Variants in CRIM1 observed in about 807,000 individuals in gnomAD.
The protein encoded by CRIM1 is cysteine-rich motor neuron 1 protein.
CRIM1 carries 32 observed loss-of-function variants against 116.4 expected under a neutral mutation model. The observed-to-expected ratio is 0.27, with a 90% CI of 0.21 to 0.37. The LOEUF is 0.37. Ranked by LOEUF, CRIM1 falls within the 10% of genes least tolerant of loss-of-function variation. CRIM1 has a pLI of 1.00. For missense variants in CRIM1, 1,331 were observed against 1,354.8 expected, an observed-to-expected ratio of 0.98 and a Z score of 0.28; for synonymous variants, 590 against 509.2, an observed-to-expected ratio of 1.16 and a Z score of -2.13.
chr2:36,409,952 A>G (rs1340053298), intron 2 of CRIM1, among the ~76,000 whole-genome samples: 2 of 152,214 alleles, frequency 1.3e-5, no homozygotes, highest in African/African-American at 4.8e-5. Context: ...TTAATGGTGC[A>G]TACGCTCTAA....
At chr2:36,452,247 T>C (rs1303396118) in intron 4 of CRIM1, among the ~76,000 whole-genome samples, 4 of 152,280 alleles carry the variant, frequency 2.6e-5, no homozygotes, top group African/African-American at 7.2e-5. Context: ...TTAAGTTATA[T>C]AATAAGTAAA....
chr2:36,490,871 T>C (rs1680179886), intron 7 of CRIM1, among the ~76,000 whole-genome samples: 1 of 152,202 alleles, frequency 6.6e-6, no homozygotes, highest in South Asian at 2.1e-4. Context: ...GTAACTGAGC[T>C]GCTCAGCCTC....
At chr2:36,387,140 C>T (rs189774179) in intron 1 of CRIM1, among the ~76,000 whole-genome samples, 1 of 152,282 alleles carries the variant, frequency 6.6e-6, no homozygotes, top group Non-Finnish European at 1.5e-5. Context: ...AGGCTGTTCT[C>T]TTAACACTCC....
intron 5 of CRIM1, among the ~76,000 whole-genome samples, chr2:36,474,217 G>A (rs568835664): frequency 9.2e-5 from 14 of 152,140 alleles, no homozygotes; most frequent in South Asian, 4.2e-4. Flanking sequence ...GGAGTTCTCG[G>A]TACCAGTTTT....
In CRIM1 at chr2:36,537,680, C is replaced by A. The variant is rs1005722513; in HGVS notation, c.2623+134C>A. ...AGCGTGTCAGGCCCAGTTAGCGCCT[C>A]CACCCAAAGACCCTATGGGTAACTT... On this transcript the variant is annotated intron_variant, in intron 14 of 16. Coordinates refer to ENST00000280527, the MANE Select transcript of CRIM1 (RefSeq NM_016441.3). 4.1e-6 allele frequency: 4 copies of A among 981,170 alleles called. No homozygotes were observed. The Admixed American group carries it at 8.9e-5, about 22-fold the overall frequency. The allele number at this position is 981,170 out of a possible 1,614,324, so 60.8% of individuals were successfully genotyped here.
chr2:36,389,810 A>G (rs1451742052), intron 1 of CRIM1, among the ~76,000 whole-genome samples: 2 of 152,126 alleles, frequency 1.3e-5, no homozygotes, highest in African/African-American at 4.8e-5. Context: ...CAGCAAGCAG[A>G]TGGAAAGATA....
intron 14 of CRIM1, among the ~76,000 whole-genome samples, chr2:36,538,045 C>T (rs1202197294): frequency 6.6e-6 from 1 of 152,192 alleles, no homozygotes; most frequent in East Asian, 1.9e-4. Flanking sequence ...CAGCCTTCTC[C>T]CAAGCCCTCA....
At chr2:36,514,233 C>T (rs1179425696) in intron 11 of CRIM1, among the ~76,000 whole-genome samples, 1 of 152,142 alleles carries the variant, frequency 6.6e-6, no homozygotes, top group Non-Finnish European at 1.5e-5. Context: ...AATTAATAGA[C>T]ATGTGGCACT....
chr2:36,362,908 G>C (rs1475770644), intron 1 of CRIM1, among the ~76,000 whole-genome samples: 1 of 152,044 alleles, frequency 6.6e-6, no homozygotes, highest in Non-Finnish European at 1.5e-5. Flanking sequence ...TAATGTTCAA[G>C]AACTTGGGGC....
chr2:36,360,418 A>G (rs1162406339), intron 1 of CRIM1, among the ~76,000 whole-genome samples: 1 of 152,332 alleles, frequency 6.6e-6, no homozygotes, highest in East Asian at 1.9e-4. Context: ...TTAGCATTCC[A>G]TCTTTTTCAC....
At chr2:36,482,544 A>G (rs150583857) in intron 7 of CRIM1, among the ~76,000 whole-genome samples, 20 of 152,378 alleles carry the variant, frequency 1.3e-4, no homozygotes, top group African/African-American at 4.3e-4. Context: ...ATAATTTCAA[A>G]TGATTTCAGA....
At chr2:36,427,482 A>G (rs1227102751) in intron 2 of CRIM1, among the ~76,000 whole-genome samples, 1 of 152,200 alleles carries the variant, frequency 6.6e-6, no homozygotes, top group Non-Finnish European at 1.5e-5. Flanking sequence ...GGTCTTGTAG[A>G]CAGAAAGCTT....
chr2:36,362,814 T>G (rs1436960375), intron 1 of CRIM1, among the ~76,000 whole-genome samples: 1 of 152,164 alleles, frequency 6.6e-6, no homozygotes, highest in African/African-American at 2.4e-5. Flanking sequence ...AGTTGCAAAG[T>G]GAACAGGTAT....
rs115148831 is a variant in CRIM1 at position 36,432,217 on chromosome 2, G to A, written c.506-9041G>A. Among the ~76,000 whole-genome samples, 932 of 152,224 alleles carry A rather than the reference G, an allele frequency of 6.1e-3. 24 individuals carry two copies. In the South Asian group the frequency reaches 0.069, roughly 11 times the overall value. ...GTGTTCGGTGGGGGAGGTATTCAGA[G>A]AAGACTGTAGTTTATTAGGTAAAAT... On this transcript the variant is annotated intron_variant, in intron 2 of 16. Transcript: ENST00000280527.
intron 4 of CRIM1, among the ~76,000 whole-genome samples, chr2:36,464,138 A>G (rs1677804494): frequency 1.3e-5 from 2 of 152,210 alleles, no homozygotes. Context: ...TTAGCACGGG[A>G]ACACTCACTC....
At chr2:36,455,028 G>A (rs542041977) in intron 4 of CRIM1, among the ~76,000 whole-genome samples, 12 of 152,270 alleles carry the variant, frequency 7.9e-5, no homozygotes, top group Admixed American at 3.3e-4. Context: ...GGTTCAGGCC[G>A]CAGAGAAAAG....
intron 7 of CRIM1, among the ~76,000 whole-genome samples, chr2:36,484,178 G>C (rs1453523899): frequency 3.3e-5 from 5 of 152,128 alleles, no homozygotes; most frequent in African/African-American, 1.2e-4. Flanking sequence ...AGTTTAACTG[G>C]GGCTTCCCAG....
chr2:36,529,295 A>G, intron 13 of CRIM1: 1 of 438,292 alleles, frequency 2.3e-6, no homozygotes, highest in South Asian at 1.7e-5. Context: ...CAGATAAAAC[A>G]TCTTCTATAG....
intron 15 of CRIM1, among the ~76,000 whole-genome samples, chr2:36,545,221 TGAGA>T (rs922551689): frequency 6.6e-6 from 1 of 152,178 alleles, no homozygotes; most frequent in Non-Finnish European, 1.5e-5. Context: ...ATTCATTGCT[TGAGA>T]GAGATTAATT....
Sources: allele counts gnomAD v4.1 joint callset (sites outside exome capture counted in the v4.1 genomes callset), GRCh38; gene constraint gnomAD v4.1.1; transcripts MANE v1.5; gene names NCBI Gene and HGNC (gene_info 2026-07-23, HGNC 2026-07-21).